Variants in CENPK observed in about 807,000 individuals in gnomAD.
The protein encoded by CENPK is SoxLZ/Sox6-binding protein Solt.
CENPK carries 46 observed loss-of-function variants against 40.9 expected under a neutral mutation model. That is an observed-to-expected ratio of 1.13 (90% confidence interval 0.89 to 1.44). The LOEUF (loss-of-function observed/expected upper bound fraction) is 1.44. Ranked by LOEUF, CENPK falls within the 40% of genes most tolerant of loss-of-function variation. CENPK has a pLI of 0.00. For synonymous variants in CENPK, 107 were observed against 104.4 expected, an observed-to-expected ratio of 1.02 and a Z score of -0.15; for missense variants, 288 against 303.5, an observed-to-expected ratio of 0.95 and a Z score of 0.38.
At chr5:65,526,191 C>T (rs749210149) in intron 9 of CENPK, among the ~76,000 whole-genome samples, 1 of 151,578 alleles carries the variant, frequency 6.6e-6, no homozygotes, top group African/African-American at 2.4e-5. Context: ...AGTGGAGCAA[C>T]AGCAACAAAA....
chr5:65,555,069 A>C, intron 2 of CENPK, 123 bp from the exon 3 acceptor site: 1 of 561,936 alleles, frequency 1.8e-6, no homozygotes, highest in Non-Finnish European at 3.1e-6. Flanking sequence ...TCCTACCGTG[A>C]ACCTTATTCT....
At chr5:65,548,918 T>G (rs898465108) in intron 5 of CENPK, among the ~76,000 whole-genome samples, 1 of 152,206 alleles carries the variant, frequency 6.6e-6, no homozygotes, top group African/African-American at 2.4e-5. Context: ...AATGTTGTTA[T>G]TTTGACCTCC....
chr5:65,531,705 T>C (rs1026915691), intron 6 of CENPK, among the ~76,000 whole-genome samples: 4 of 152,124 alleles, frequency 2.6e-5, no homozygotes, highest in Non-Finnish European at 4.4e-5. Flanking sequence ...GGTTTCACCA[T>C]GTTGGCCAGG....
At chr5:65,524,747 C>T (rs942559251) in intron 9 of CENPK, 11 of 152,676 alleles carry the variant, frequency 7.2e-5, no homozygotes, top group Middle Eastern at 5.3e-4. Flanking sequence ...ATATAAATGG[C>T]GTTTTCTGAA....
the CENPK span, among the ~76,000 whole-genome samples, chr5:65,501,461 G>A: frequency 2.6e-5 from 4 of 151,804 alleles, no homozygotes; most frequent in Non-Finnish European, 5.9e-5. Context: ...TTATAGGCAG[G>A]AGCCACTGCT....
chr5:65,523,740 A>G (rs550206850), intron 9 of CENPK, among the ~76,000 whole-genome samples: 1 of 152,308 alleles, frequency 6.6e-6, no homozygotes, highest in East Asian at 1.9e-4. Flanking sequence ...GAAAAATAAC[A>G]TATCTTTTTC....
intron 6 of CENPK, chr5:65,541,304 C>T (rs1220707081): frequency 1.8e-5 from 8 of 435,212 alleles, no homozygotes; most frequent in South Asian, 4.8e-5. Flanking sequence ...TATCTGAAAC[C>T]GGGGTCAGGC....
chr5:65,501,111 C>T, the CENPK span, among the ~76,000 whole-genome samples: 1 of 148,882 alleles, frequency 6.7e-6, no homozygotes, highest in African/African-American at 2.5e-5. Context: ...TTTATATCTT[C>T]TATTTCTTTG....
At chr5:65,544,547 T>G (rs1425215056) in intron 5 of CENPK, among the ~76,000 whole-genome samples, 1 of 152,124 alleles carries the variant, frequency 6.6e-6, no homozygotes, top group Non-Finnish European at 1.5e-5. Context: ...CCAAAAGAAT[T>G]GAACGCAGGG....
At chr5:65,533,541 C>A (rs914292292) in intron 6 of CENPK, among the ~76,000 whole-genome samples, 1 of 151,950 alleles carries the variant, frequency 6.6e-6, no homozygotes, top group Non-Finnish European at 1.5e-5. Context: ...CTTACCGTTT[C>A]TATTCAATAT....
chr5:65,536,771 G>A (rs536780884), intron 6 of CENPK, among the ~76,000 whole-genome samples: 44 of 151,686 alleles, frequency 2.9e-4, no homozygotes, highest in Admixed American at 1.9e-3. Flanking sequence ...TTCATAATTC[G>A]ACTTTAGCTT....
downstream of CENPK, among the ~76,000 whole-genome samples, chr5:65,514,228 A>ATATTTTTTTTTTTTTTTTTTTTTTTTTTT (rs199873665): frequency 3.2e-5 from 2 of 61,648 alleles, no homozygotes; most frequent in African/African-American, 6.7e-5. Flanking sequence ...GCCTCACATA[A>ATATTTTTTTTTTTTTTTTTTTTTTTTTTT]TCTTTTTTTT....
At chr5:65,545,323 C>T (rs1407461090) in intron 5 of CENPK, among the ~76,000 whole-genome samples, 5 of 12,664 alleles carry the variant, frequency 3.9e-4, no homozygotes, top group Admixed American at 1.7e-3. Flanking sequence ...CCTCAAAGCG[C>T]GCACACACAC....
downstream of CENPK, among the ~76,000 whole-genome samples, chr5:65,516,782 G>A (rs1277396887): frequency 6.6e-6 from 1 of 151,716 alleles, no homozygotes; most frequent in African/African-American, 2.4e-5. Flanking sequence ...TTAAAAATAA[G>A]CTATTAGCAA....
chr5:65,530,370 T>C (rs1265471900), intron 6 of CENPK, among the ~76,000 whole-genome samples: 2 of 152,082 alleles, frequency 1.3e-5, no homozygotes, highest in Non-Finnish European at 2.9e-5. Flanking sequence ...GGTAGTATGA[T>C]ATGGAAAGAC....
At chr5:65,551,960 A>ATTT (rs369700253) in intron 4 of CENPK, among the ~76,000 whole-genome samples, 3 of 125,308 alleles carry the variant, frequency 2.4e-5, no homozygotes, top group South Asian at 2.5e-4. Context: ...CCTTTGTTCT[A>ATTT]TTTTTTTTTT....
rs377588006 is a variant in CENPK, at chr5:65,529,022, C to A, written c.372-5G>T. 2 of 1,599,784 alleles carry A rather than the reference C, an allele frequency of 1.3e-6. No individual in the cohort carries two copies. Among genetic ancestry groups the A allele is most frequent in the Non-Finnish European group, 1.7e-6 (2 of 1,168,932 alleles). ...TCATCCAACCACCGTTGTTCCCTTTCGACATGGAAAAACAATACAAGCAAT... is the reference window on the plus strand; with the variant it reads ...TCATCCAACCACCGTTGTTCCCTTTAGACATGGAAAAACAATACAAGCAAT... On this transcript the variant is annotated splice_region_variant and splice_polypyrimidine_tract_variant and intron_variant, in intron 7 of 10. Transcript: ENST00000396679.
At chr5:65,544,112 T>A (rs1457821836) in intron 5 of CENPK, among the ~76,000 whole-genome samples, 1 of 152,210 alleles carries the variant, frequency 6.6e-6, no homozygotes, top group Admixed American at 6.5e-5. Flanking sequence ...CTACATGTGC[T>A]TCATAGATAG....
downstream of CENPK, among the ~76,000 whole-genome samples, chr5:65,512,962 C>CA (rs1742628597): frequency 6.6e-6 from 1 of 152,122 alleles, no homozygotes; most frequent in South Asian, 2.1e-4. Flanking sequence ...TGCTTATTTG[C>CA]TATCTATATA....
Sources: allele counts gnomAD v4.1 joint callset (sites outside exome capture counted in the v4.1 genomes callset), GRCh38; gene constraint gnomAD v4.1.1; transcripts MANE v1.5; gene names NCBI Gene and HGNC (gene_info 2026-07-23, HGNC 2026-07-21).